The following CSMD1 variants were observed in gnomAD, a reference collection of about 807,000 sequenced individuals.
CSMD1 encodes CUB and Sushi multiple domains 1.
CSMD1 carries 213 observed loss-of-function variants against 417.5 expected under a neutral mutation model. The ratio of observed to expected loss-of-function variants is 0.51; its 90% CI spans 0.46 to 0.57. CSMD1 has a LOEUF of 0.57. Ranked by LOEUF, CSMD1 falls within the 20% of genes least tolerant of loss-of-function variation. The pLI is 0.00. For missense variants in CSMD1, 6,923 were observed against 4,529.7 expected, an observed-to-expected ratio of 1.53 and a Z score of -15.17; for synonymous variants, 2,862 against 1,736.8, an observed-to-expected ratio of 1.65 and a Z score of -16.11.
intron 2 of CSMD1, among the ~76,000 whole-genome samples, chr8:4,453,002 T>A (rs1354029483): frequency 1.3e-5 from 2 of 152,122 alleles, no homozygotes; most frequent in South Asian, 2.1e-4. Flanking sequence ...TTTCCCACAG[T>A]CCTCTGAAGA....
chr8:4,413,687 G>C (rs1189364279), intron 3 of CSMD1, among the ~76,000 whole-genome samples: 18 of 152,110 alleles, frequency 1.2e-4, no homozygotes, highest in Admixed American at 1.1e-3. Context: ...AACTTACCCA[G>C]TGAGTATTTT....
chr8:4,934,757 C>A (rs1446608459), intron 1 of CSMD1, among the ~76,000 whole-genome samples: 1 of 152,028 alleles, frequency 6.6e-6, no homozygotes, highest in Non-Finnish European at 1.5e-5. Context: ...ATCTATCTAC[C>A]TACCTATACT....
At chr8:3,124,999 C>T (rs1170974066) in intron 41 of CSMD1, among the ~76,000 whole-genome samples, 1 of 152,174 alleles carries the variant, frequency 6.6e-6, no homozygotes, top group Non-Finnish European at 1.5e-5. Context: ...AAACTGAGTA[C>T]TTAACTACTT....
At chr8:3,838,305 G>A (rs73172268) in intron 5 of CSMD1, among the ~76,000 whole-genome samples, 1 of 151,778 alleles carries the variant, frequency 6.6e-6, no homozygotes, top group African/African-American at 2.4e-5. Flanking sequence ...GGGAGGCAAG[G>A]CAGGAGGATT....
At chr8:4,887,747 T>A (rs920509781) in intron 1 of CSMD1, among the ~76,000 whole-genome samples, 33 of 152,042 alleles carry the variant, frequency 2.2e-4, no homozygotes, top group Non-Finnish European at 1.5e-5. Context: ...TATATTTTCC[T>A]GATGAGTTGA....
At chr8:4,588,842 G>A (rs1799843132) in intron 2 of CSMD1, among the ~76,000 whole-genome samples, 1 of 151,448 alleles carries the variant, frequency 6.6e-6, no homozygotes, top group Non-Finnish European at 1.5e-5. Flanking sequence ...TCTGTTCACA[G>A]GCTGCTGCTC....
Position 3,162,150 on chromosome 8 carries a change from G to A in CSMD1, c.5844+9C>T, listed in dbSNP as rs1819936230. 2.6e-6 allele frequency: 4 copies of A among 1,556,312 alleles called. No homozygotes were observed. The highest frequency in any genetic ancestry group is 3.5e-6 in the Non-Finnish European group (4 of 1,135,268). Reference sequence around the variant, plus strand: ...GTATGTTATTCCTGAGCACTGAGAAGAAGGATACCTGCAGGGTGTACCCGG... The same window carrying A: ...GTATGTTATTCCTGAGCACTGAGAAAAAGGATACCTGCAGGGTGTACCCGG... On this transcript the variant is annotated intron_variant, in intron 38 of 69. Transcript: ENST00000635120.
chr8:3,220,978 A>T (rs12549777), intron 28 of CSMD1, among the ~76,000 whole-genome samples: 40,785 of 151,872 alleles, frequency 0.27, 5,649 homozygotes, highest in East Asian at 0.3. Context: ...TTCCTTTCCA[A>T]CTGCAGAAAT....
At chr8:3,750,867 T>C (rs554976841) in intron 6 of CSMD1, among the ~76,000 whole-genome samples, 1 of 152,188 alleles carries the variant, frequency 6.6e-6, no homozygotes, top group Non-Finnish European at 1.5e-5. Context: ...GGAGCTTCCA[T>C]TCCTTGGTAA....
rs530391398 is a variant in CSMD1 at position 4,231,736 on chromosome 8, C to G, written c.415+188217G>C. Among the ~76,000 whole-genome samples the G allele has an allele frequency of 1.6e-4, 24 of 152,202 alleles. No individual in the cohort carries two copies. The South Asian group carries it at 2.5e-3, about 16-fold the overall frequency. ...AAGAATGTGACTGGTAGTGATGGAC[C>G]ATGGAAAAAGTAAATAACACTGTTG... is the stretch of plus-strand genomic sequence containing the variant. On this transcript the variant is annotated intron_variant, in intron 3 of 69. Transcript: ENST00000635120.
At chr8:4,697,952 A>T (rs975267494) in intron 1 of CSMD1, among the ~76,000 whole-genome samples, 7 of 152,206 alleles carry the variant, frequency 4.6e-5, no homozygotes, top group African/African-American at 7.2e-5. Context: ...TGTCAAGACA[A>T]ATAGTGATGC....
intron 1 of CSMD1, among the ~76,000 whole-genome samples, chr8:4,831,281 C>T (rs955828133): frequency 1.3e-5 from 2 of 152,136 alleles, no homozygotes; most frequent in African/African-American, 2.4e-5. Context: ...AATTAGTGCT[C>T]CACTGGGAGT....
At chr8:3,663,222 A>G (rs1213355262) in intron 7 of CSMD1, among the ~76,000 whole-genome samples, 3 of 152,152 alleles carry the variant, frequency 2.0e-5, no homozygotes, top group African/African-American at 4.8e-5. Context: ...ATATTTTTAA[A>G]CAAAGAGTTG....
At chr8:3,556,166 T>A (rs1235767122) in intron 10 of CSMD1, among the ~76,000 whole-genome samples, 3 of 151,898 alleles carry the variant, frequency 2.0e-5, no homozygotes, top group African/African-American at 7.2e-5. Context: ...ATTTCCTAAG[T>A]GGATTTTATA....
intron 12 of CSMD1, among the ~76,000 whole-genome samples, chr8:3,415,116 T>C (rs1351875131): frequency 6.6e-6 from 1 of 152,230 alleles, no homozygotes; most frequent in Admixed American, 6.5e-5. Flanking sequence ...CACATTTACA[T>C]ACTAAATTGT....
chr8:4,724,520 ATG>A (rs66498850), intron 1 of CSMD1, among the ~76,000 whole-genome samples: 11,315 of 145,002 alleles, frequency 0.078, 437 homozygotes, highest in South Asian at 0.11. Flanking sequence ...TTATATATAT[ATG>A]TGTGTGTGTG....
rs188837848 is a variant in CSMD1, at chr8:3,089,320, C to T, written c.7286-2035G>A. ...GCCAAACCAGTCTGTACTTTCAACC[C>T]GCCCAATACAGAAGCTTTCATTTGC... On this transcript the variant is annotated intron_variant, in intron 48 of 69. Coordinates refer to ENST00000635120, the MANE Select transcript of CSMD1 (RefSeq NM_033225.6). Among the ~76,000 whole-genome samples, 386 of 152,310 alleles carry T rather than the reference C, an allele frequency of 2.5e-3. 2 individuals are homozygous for T. Among genetic ancestry groups the T allele is most frequent in the Non-Finnish European group, 4.4e-3 (300 of 68,034 alleles).
chr8:3,454,299 T>G lies in CSMD1; in HGVS notation c.1561+14413A>C, dbSNP rs929175225. On this transcript the variant is annotated intron_variant, in intron 12 of 69. Transcript: ENST00000635120. ...AGTCTGTGTCTTTTAATTGGAGCAT[T>G]TGGCCCATTTACATTTAAGGTTAAT... 3.9e-5 allele frequency among the ~76,000 whole-genome samples: 6 copies of G among 152,332 alleles called. No homozygotes were observed. The South Asian group carries it at 1.2e-3, about 32-fold the overall frequency.
intron 5 of CSMD1, among the ~76,000 whole-genome samples, chr8:3,844,899 A>G (rs558287214): frequency 7.4e-6 from 1 of 134,716 alleles, no homozygotes; most frequent in Non-Finnish European, 1.5e-5. Flanking sequence ...TCTTGTCAAT[A>G]TTTGTCTGTG....
Sources: gnomAD v4.1 joint callset for allele counts (sites outside exome capture counted in the v4.1 genomes callset) on GRCh38, gnomAD v4.1.1 for gene constraint, MANE v1.5 for transcripts, NCBI Gene and HGNC (gene_info 2026-07-23, HGNC 2026-07-21) for gene names.